The following PTPRD variants were observed in gnomAD, a reference collection of about 807,000 sequenced individuals.
PTPRD encodes receptor-type tyrosine-protein phosphatase delta.
In PTPRD, 34 loss-of-function variants were observed where a neutral mutation model predicts 214.5. The observed-to-expected ratio is 0.16, with a 90% CI of 0.12 to 0.21. The LOEUF (loss-of-function observed/expected upper bound fraction) is 0.21, where lower values mean the gene tolerates loss of function less well. Among genes scored for constraint, PTPRD ranks in the 10% least tolerant of loss-of-function variants. PTPRD has a pLI of 1.00. For missense variants in PTPRD, 2,545 were observed against 2,398.7 expected (o/e 1.06, Z -1.27); for synonymous variants, 1,128 against 845.7 (o/e 1.33, Z -5.79).
intron 3 of PTPRD, among the ~76,000 whole-genome samples, chr9:10,084,307 G>T (rs1332313417): frequency 2.0e-5 from 3 of 151,908 alleles, no homozygotes; most frequent in Non-Finnish European, 4.4e-5. Flanking sequence ...CTTCTGTAAT[G>T]TTAGTTACTA....
At chr9:8,439,216 A>G (rs973608126) in intron 34 of PTPRD, among the ~76,000 whole-genome samples, 3 of 152,310 alleles carry the variant, frequency 2.0e-5, no homozygotes, top group East Asian at 1.9e-4. Context: ...AATACTGGAC[A>G]TGGGTTCTAC....
Position 8,849,118 on chromosome 9 carries a change from G to GAATA in PTPRD, c.-103-115176_-103-115173dup, listed in dbSNP as rs2097763024. ...CTGAGCATTGTGAGAGGTTTCTAATGAATAATTATTCTTCACATTTTATGG... is the reference window on the plus strand; with the variant it reads ...CTGAGCATTGTGAGAGGTTTCTAATGAATAAATAATTATTCTTCACATTTTATGG... On this transcript the variant is annotated intron_variant, in intron 11 of 45. Coordinates refer to ENST00000381196, the MANE Select transcript of PTPRD (RefSeq NM_002839.4). Among the ~76,000 whole-genome samples the GAATA allele has an allele frequency of 2.7e-5, 4 of 149,464 alleles. No individual in the cohort carries two copies. The South Asian group carries it at 8.5e-4, about 32-fold the overall frequency.
At chr9:10,012,754 C>A (rs763601100) in intron 4 of PTPRD, among the ~76,000 whole-genome samples, 1 of 151,778 alleles carries the variant, frequency 6.6e-6, no homozygotes, top group Admixed American at 6.6e-5. Context: ...AGGAAAACCC[C>A]GAGTGTGTTC....
rs556767250 is a variant in PTPRD, at chr9:9,974,313, C to T, written c.-471-35703G>A. 2.0e-5 allele frequency among the ~76,000 whole-genome samples: 3 copies of T among 152,296 alleles called. No individual in the cohort carries two copies. In the East Asian group the frequency reaches 5.8e-4, roughly 29 times the overall value. ...TATTTTTCTATACAAGTATGCACAG[C>T]TGGCTAATACCAAATGATGCCAAAA... On this transcript the variant is annotated intron_variant, in intron 4 of 45. Coordinates refer to ENST00000381196, the MANE Select transcript of PTPRD (RefSeq NM_002839.4).
At chr9:10,178,251 A>T (rs1350079000) in intron 3 of PTPRD, among the ~76,000 whole-genome samples, 1 of 151,930 alleles carries the variant, frequency 6.6e-6, no homozygotes, top group Non-Finnish European at 1.5e-5. Context: ...CTAAGTTTCC[A>T]TACTCACTTA....
intron 7 of PTPRD, among the ~76,000 whole-genome samples, chr9:9,723,256 T>C (rs1044265853): frequency 1.3e-5 from 2 of 152,042 alleles, no homozygotes; most frequent in Non-Finnish European, 2.9e-5. Flanking sequence ...CTCAGCACCA[T>C]TTGCTGGGAA....
intron 10 of PTPRD, among the ~76,000 whole-genome samples, chr9:9,050,320 A>G (rs2099682427): frequency 6.6e-6 from 1 of 152,230 alleles, no homozygotes; most frequent in Non-Finnish European, 1.5e-5. Context: ...TGAAGGCAGT[A>G]AAGTTCAGAA....
At chr9:10,136,512 A>C (rs144385031) in intron 3 of PTPRD, among the ~76,000 whole-genome samples, 2,419 of 152,202 alleles carry the variant, frequency 0.016, 64 homozygotes, top group African/African-American at 0.055. Flanking sequence ...ATTCCAAAAA[A>C]TAGAAATTAT....
At chr9:9,594,552 T>C (rs2093088239) in intron 7 of PTPRD, among the ~76,000 whole-genome samples, 1 of 152,118 alleles carries the variant, frequency 6.6e-6, no homozygotes, top group Non-Finnish European at 1.5e-5. Flanking sequence ...TTTATGTTTT[T>C]GTTTGCTTTG....
intron 2 of PTPRD, among the ~76,000 whole-genome samples, chr9:10,442,314 T>A (rs80334419): frequency 0.076 from 11,530 of 151,754 alleles, 710 homozygotes; most frequent in African/African-American, 0.16. Context: ...TTGAAGGAAG[T>A]AGAAAAGATT....
intron 44 of PTPRD, among the ~76,000 whole-genome samples, chr9:8,324,579 G>A (rs1353100785): frequency 4.6e-5 from 7 of 152,108 alleles, no homozygotes; most frequent in Non-Finnish European, 5.9e-5. Context: ...ATGTGTCTTT[G>A]TAGTAGAATG....
At chr9:9,123,567 A>G (rs1349623747) in intron 10 of PTPRD, among the ~76,000 whole-genome samples, 1 of 152,194 alleles carries the variant, frequency 6.6e-6, no homozygotes, top group African/African-American at 2.4e-5. Flanking sequence ...AATGGCATCA[A>G]GAAAGCCACA....
At chr9:8,419,371 A>G (rs2094192599) in intron 35 of PTPRD, among the ~76,000 whole-genome samples, 1 of 152,158 alleles carries the variant, frequency 6.6e-6, no homozygotes, top group Admixed American at 6.6e-5. Context: ...AAAACTTATT[A>G]AGTGATAGAT....
chr9:9,814,256 A>C (rs2048040914), intron 5 of PTPRD, among the ~76,000 whole-genome samples: 1 of 151,634 alleles, frequency 6.6e-6, no homozygotes, highest in Admixed American at 6.6e-5. Flanking sequence ...TGTCTCTCTT[A>C]CCACTTCTAT....
At chr9:8,873,279 T>C (rs1028125769) in intron 11 of PTPRD, among the ~76,000 whole-genome samples, 5 of 152,222 alleles carry the variant, frequency 3.3e-5, no homozygotes, top group African/African-American at 1.2e-4. Context: ...GCATGAAATA[T>C]CACTACCCCT....
At chr9:8,509,158 G>A (rs529436929) in intron 21 of PTPRD, among the ~76,000 whole-genome samples, 4 of 151,960 alleles carry the variant, frequency 2.6e-5, no homozygotes, top group East Asian at 1.9e-4. Context: ...AGGTGGAAGC[G>A]AAAGAAGATA....
intron 11 of PTPRD, among the ~76,000 whole-genome samples, chr9:8,857,203 A>G (rs1264907557): frequency 2.0e-5 from 3 of 152,156 alleles, no homozygotes; most frequent in Non-Finnish European, 4.4e-5. Flanking sequence ...AGAAAAAGAA[A>G]TCGCCCCCTC....
intron 8 of PTPRD, among the ~76,000 whole-genome samples, chr9:9,484,646 A>C (rs1309625237): frequency 6.6e-6 from 1 of 152,164 alleles, no homozygotes; most frequent in Non-Finnish European, 1.5e-5. Flanking sequence ...TCCTTGCAAC[A>C]ACTCTATGAG....
chr9:8,636,044 T>C (rs1277416579), intron 13 of PTPRD, among the ~76,000 whole-genome samples: 1 of 152,206 alleles, frequency 6.6e-6, no homozygotes, highest in Admixed American at 6.5e-5. Context: ...CATGTGTTTC[T>C]TTCAGAATAG....
Sources: allele counts gnomAD v4.1 joint callset (sites outside exome capture counted in the v4.1 genomes callset), GRCh38; gene constraint gnomAD v4.1.1; transcripts MANE v1.5; gene names NCBI Gene and HGNC (gene_info 2026-07-23, HGNC 2026-07-21).